Variants in ATP6V1G3 observed in about 807,000 individuals in gnomAD.
ATP6V1G3 encodes ATPase H+ transporting V1 subunit G3.
Under a neutral mutation model 9.3 loss-of-function variants are expected in ATP6V1G3, and 9 were observed. The observed-to-expected ratio is 0.97, with a 90% confidence interval of 0.59 to 1.69. The LOEUF (loss-of-function observed/expected upper bound fraction) is 1.69, where lower values mean the gene tolerates loss of function less well. ATP6V1G3 is among the 40% of genes most tolerant of loss of function. The pLI is 0.00. For missense variants in ATP6V1G3, 133 were observed against 139.0 expected, an observed-to-expected ratio of 0.96 and a Z score of 0.22; for synonymous variants, 43 against 43.8, an observed-to-expected ratio of 0.98 and a Z score of 0.07.
intron 1 of ATP6V1G3, among the ~76,000 whole-genome samples, chr1:198,537,699 C>T (rs116837073): frequency 8.9e-4 from 136 of 152,296 alleles, no homozygotes; most frequent in African/African-American, 3.2e-3. Flanking sequence ...GTCATCATGC[C>T]TCCTTTCCCT....
chr1:198,528,482 T>C (rs1659753370), intron 2 of ATP6V1G3, among the ~76,000 whole-genome samples: 1 of 152,078 alleles, frequency 6.6e-6, no homozygotes, highest in African/African-American at 2.4e-5. Flanking sequence ...GGGTGTCCGC[T>C]CCAAAGGTTT....
At chr1:198,540,511 T>G (rs975091624) in intron 1 of ATP6V1G3, 58 bp downstream of exon 1, 22 of 1,551,048 alleles carry the variant, frequency 1.4e-5, no homozygotes, top group Middle Eastern at 3.4e-4. Flanking sequence ...TCTATGCTTA[T>G]CCCTGCATTC....
intron 2 of ATP6V1G3, 61 bp from the exon 3 acceptor site, chr1:198,523,625 G>A: frequency 6.7e-7 from 1 of 1,496,078 alleles, no homozygotes; most frequent in Non-Finnish European, 9.1e-7. Context: ...AGTTAAATTT[G>A]TCCTAGCCTG....
chr1:198,529,215 TA>T (rs764287102), intron 1 of ATP6V1G3, 34 bp from the exon 2 acceptor site: 1 of 416,014 alleles, frequency 2.4e-6, no homozygotes, highest in Non-Finnish European at 3.6e-6. Flanking sequence ...TATATATATA[TA>T]ATTATATATA....
At chr1:198,529,031 G>T in intron 2 of ATP6V1G3, 50 bp downstream of exon 2, 1 of 848,950 alleles carries the variant, frequency 1.2e-6, no homozygotes, top group Non-Finnish European at 1.8e-6. Flanking sequence ...TTATAAATAT[G>T]AAGATCTTAT....
At chr1:198,527,525 T>C (rs1347450923) in intron 2 of ATP6V1G3, among the ~76,000 whole-genome samples, 2 of 152,202 alleles carry the variant, frequency 1.3e-5, no homozygotes, top group East Asian at 3.8e-4. Flanking sequence ...GAAATAATTA[T>C]ATCAGAAATA....
At chr1:198,539,002 A>T (rs927580319) in intron 1 of ATP6V1G3, among the ~76,000 whole-genome samples, 2 of 152,152 alleles carry the variant, frequency 1.3e-5, no homozygotes, top group Admixed American at 1.3e-4. Flanking sequence ...TTTCTATAAA[A>T]CTACTCTACA....
At chr1:198,529,055 GA>G in intron 2 of ATP6V1G3, 25 bp downstream of exon 2, 1 of 1,123,076 alleles carries the variant, frequency 8.9e-7, no homozygotes, top group Non-Finnish European at 1.3e-6. Context: ...TTCTGCATAA[GA>G]AACAGTGCTG....
chr1:198,527,295 A>G (rs913885065), intron 2 of ATP6V1G3, among the ~76,000 whole-genome samples: 9 of 152,286 alleles, frequency 5.9e-5, no homozygotes, highest in African/African-American at 2.2e-4. Flanking sequence ...TGACCTTTCT[A>G]TGTGAGCTTT....
At chr1:198,526,464 G>T (rs1188654136) in intron 2 of ATP6V1G3, among the ~76,000 whole-genome samples, 1 of 152,132 alleles carries the variant, frequency 6.6e-6, no homozygotes, top group Non-Finnish European at 1.5e-5. Flanking sequence ...TTGGGAGAAT[G>T]TATAAGTTAG....
chr1:198,540,752 G>A, upstream of ATP6V1G3: 2 of 1,237,526 alleles, frequency 1.6e-6, no homozygotes, highest in Non-Finnish European at 2.4e-6. Flanking sequence ...TGTGTCAACA[G>A]CAAGTTCCAA....
intron 1 of ATP6V1G3, among the ~76,000 whole-genome samples, chr1:198,530,867 T>C (rs755860959): frequency 6.6e-6 from 1 of 152,192 alleles, no homozygotes. Flanking sequence ...TGTTAATGTA[T>C]TGATTTTTTT....
chr1:198,539,862 G>T (rs1219567694), intron 1 of ATP6V1G3, among the ~76,000 whole-genome samples: 1 of 152,168 alleles, frequency 6.6e-6, no homozygotes, highest in African/African-American at 2.4e-5. Context: ...GTATCAAAGA[G>T]AATAGAAAAG....
chr1:198,536,919 T>TGTGC (rs1223556428), intron 1 of ATP6V1G3, among the ~76,000 whole-genome samples: 1 of 152,196 alleles, frequency 6.6e-6, no homozygotes, highest in Non-Finnish European at 1.5e-5. Context: ...TGTGTGTGTG[T>TGTGC]GTGCGTGTAT....
At chr1:198,536,674 C>T in intron 1 of ATP6V1G3, 1 of 1,596,382 alleles carries the variant, frequency 6.3e-7, no homozygotes, top group Non-Finnish European at 8.6e-7. Context: ...TTCTAGTCAT[C>T]TTACCAGAAG....
At chr1:198,533,731 C>G (rs1411949262) in intron 1 of ATP6V1G3, among the ~76,000 whole-genome samples, 1 of 152,162 alleles carries the variant, frequency 6.6e-6, no homozygotes, top group Non-Finnish European at 1.5e-5. Flanking sequence ...GAGAGCACCT[C>G]AGAAGTATCT....
In ATP6V1G3 at chr1:198,540,616, A is replaced by G; in HGVS notation, c.35T>C (p.Leu12Pro). 2 of 1,614,094 alleles carry G rather than the reference A, an allele frequency of 1.2e-6. No homozygotes were observed. Among genetic ancestry groups the G allele is most frequent in the Non-Finnish European group, 1.7e-6 (2 of 1,179,964 alleles). The change falls in exon 1 of 3, where the codon CTT becomes CCT. Residue 12 changes from leucine to proline, a missense_variant. Coordinates refer to ENST00000367382, the MANE Select transcript of ATP6V1G3 (RefSeq NM_001376861.1). ...GTCCTTGGCCCGTTTTTCTGCCTGA[A>G]GAAGCTGGTGGATCCCCTGAGACTG... ...TSQSQGIHQL[L>P]QAEKRAKDKL...
intron 1 of ATP6V1G3, among the ~76,000 whole-genome samples, chr1:198,529,438 T>C (rs1659806581): frequency 6.6e-6 from 1 of 151,920 alleles, no homozygotes; most frequent in Non-Finnish European, 1.5e-5. Context: ...TTGGATTCTT[T>C]AGGACACGTA....
chr1:198,540,708 A>T, upstream of ATP6V1G3: 1 of 1,476,956 alleles, frequency 6.8e-7, no homozygotes, highest in Non-Finnish European at 9.5e-7. Context: ...GGGTTCATTT[A>T]TTCTTTTAGA....
Sources: gnomAD v4.1 joint callset for allele counts (sites outside exome capture counted in the v4.1 genomes callset) on GRCh38, gnomAD v4.1.1 for gene constraint, MANE v1.5 for transcripts, NCBI Gene and HGNC (gene_info 2026-07-23, HGNC 2026-07-21) for gene names.